ARHGAP22: variants seen among roughly 807,000 people sequenced by gnomAD.
The protein encoded by ARHGAP22 is Rho GTPase activating protein 22.
A neutral mutation model predicts 59.1 loss-of-function variants in ARHGAP22; 48 were observed. The observed-to-expected ratio is 0.81, with a 90% CI of 0.64 to 1.03. ARHGAP22 has a LOEUF of 1.03. Ranked by LOEUF, ARHGAP22 falls within the 50% of genes least tolerant of loss-of-function variation. The probability of loss-of-function intolerance (pLI) is 0.00; values close to 1 mark genes in which losing one functional copy is unlikely to be tolerated. For synonymous variants in ARHGAP22, 445 were observed against 416.4 expected (o/e 1.07, Z -0.84); for missense variants, 1,015 against 958.7 (o/e 1.06, Z -0.78).
chr10:48,557,336 C>T (rs957039465), intron 2 of ARHGAP22, among the ~76,000 whole-genome samples: 1 of 152,066 alleles, frequency 6.6e-6, no homozygotes, highest in African/African-American at 2.4e-5. Context: ...ATCTGTCATC[C>T]GTACAAGGAG....
At chr10:48,499,117 T>C (rs370363173) in intron 3 of ARHGAP22, among the ~76,000 whole-genome samples, 5 of 152,340 alleles carry the variant, frequency 3.3e-5, no homozygotes, top group South Asian at 4.1e-4. Flanking sequence ...GGGGAGGCCA[T>C]GTCCTCATTG....
chr10:48,433,983 G>T, the ARHGAP22 span, among the ~76,000 whole-genome samples: 2 of 152,102 alleles, frequency 1.3e-5, no homozygotes, highest in South Asian at 2.1e-4. Flanking sequence ...TGTTCATGTG[G>T]TTCAGAAGTA....
chr10:48,644,181 C>G (rs923789819), intron 1 of ARHGAP22, among the ~76,000 whole-genome samples: 1 of 151,980 alleles, frequency 6.6e-6, no homozygotes, highest in Non-Finnish European at 1.5e-5. Context: ...AAGAAACATT[C>G]TGAAAAAGAG....
intron 1 of ARHGAP22, among the ~76,000 whole-genome samples, chr10:48,588,560 TGGAGGGTCCCCAGGAGCA>T (rs1403160328): frequency 6.6e-6 from 1 of 152,202 alleles, no homozygotes; most frequent in African/African-American, 2.4e-5. Context: ...TCAGAGTTTC[TGGAGGGTCCCCAGGAGCA>T]GGCCCAGGCA....
intron 1 of ARHGAP22, among the ~76,000 whole-genome samples, chr10:48,640,619 T>C (rs2062005488): frequency 6.6e-6 from 1 of 152,042 alleles, no homozygotes; most frequent in South Asian, 2.1e-4. Flanking sequence ...GAATTCTATA[T>C]CAAAAAATAT....
At chr10:48,435,045 G>T in the ARHGAP22 span, 6 of 1,505,182 alleles carry the variant, frequency 4.0e-6, no homozygotes, top group East Asian at 2.4e-5. Context: ...TGGGCCATCG[G>T]GGGGTGGGAG....
intron 1 of ARHGAP22, among the ~76,000 whole-genome samples, chr10:48,615,391 C>G: frequency 6.6e-6 from 1 of 152,150 alleles, no homozygotes; most frequent in East Asian, 1.9e-4. Context: ...ATAAAGAATA[C>G]ATAACTCACA....
chr10:48,636,046 C>G (rs946834574), intron 1 of ARHGAP22, among the ~76,000 whole-genome samples: 6 of 152,174 alleles, frequency 3.9e-5, no homozygotes, highest in African/African-American at 1.4e-4. Flanking sequence ...GCATCAGGTC[C>G]TTACTCTCTC....
At chr10:48,608,076 A>G (rs1172040453), upstream of ARHGAP22, among the ~76,000 whole-genome samples, 1 of 152,210 alleles carries the variant, frequency 6.6e-6, no homozygotes, top group Non-Finnish European at 1.5e-5. Flanking sequence ...GTTTATTGTC[A>G]TTGGGAGTTG....
chr10:48,442,367 C>T (rs1006600624), downstream of ARHGAP22, among the ~76,000 whole-genome samples: 1 of 152,348 alleles, frequency 6.6e-6, no homozygotes, highest in African/African-American at 2.4e-5. Flanking sequence ...GTACCAGGCT[C>T]GGCTCAGCAC....
intron 3 of ARHGAP22, among the ~76,000 whole-genome samples, chr10:48,497,099 T>G (rs4838607): frequency 0.27 from 40,432 of 152,004 alleles, 5,517 homozygotes; most frequent in South Asian, 0.36. Context: ...CTCCTAGGGG[T>G]TTGACACCTC....
At chr10:48,465,715 G>A (rs147161113) in intron 4 of ARHGAP22, among the ~76,000 whole-genome samples, 51 of 152,300 alleles carry the variant, frequency 3.3e-4, no homozygotes, top group African/African-American at 1.2e-3. Context: ...TTACAGGAGC[G>A]GGCAATGACA....
chr10:48,497,606 G>A (rs2051070833), intron 3 of ARHGAP22, among the ~76,000 whole-genome samples: 1 of 152,104 alleles, frequency 6.6e-6, no homozygotes, highest in Non-Finnish European at 1.5e-5. Context: ...GGGGAGGAAG[G>A]AGCCCCTCCA....
chr10:48,608,173 T>G (rs1313295349), upstream of ARHGAP22, among the ~76,000 whole-genome samples: 1 of 152,228 alleles, frequency 6.6e-6, no homozygotes, highest in African/African-American at 2.4e-5. Context: ...GCTGCCATCC[T>G]AAGGGAGATT....
intron 1 of ARHGAP22, among the ~76,000 whole-genome samples, chr10:48,613,918 T>C (rs534302176): frequency 5.5e-4 from 84 of 152,284 alleles, no homozygotes; most frequent in Non-Finnish European, 1.0e-3. Context: ...TATTGTGAGA[T>C]TGGATTGTTA....
At chr10:48,493,479 C>T in intron 3 of ARHGAP22, 1 of 1,536,032 alleles carries the variant, frequency 6.5e-7, no homozygotes, top group African/African-American at 1.4e-5. Context: ...ACCTGATGGG[C>T]CAGAAGGGCA....
chr10:48,562,986 G>C, intron 2 of ARHGAP22, among the ~76,000 whole-genome samples: 1 of 152,028 alleles, frequency 6.6e-6, no homozygotes, highest in South Asian at 2.1e-4. Flanking sequence ...TAGCTGGCAC[G>C]ACTGTTCCTT....
chr10:48,603,288 A>T (rs1310591302), intron 1 of ARHGAP22, among the ~76,000 whole-genome samples: 1 of 152,246 alleles, frequency 6.6e-6, no homozygotes. Context: ...GTCTCTTACT[A>T]GCACTGTCCA....
At chr10:48,625,461 T>C (rs754836385) in intron 1 of ARHGAP22, among the ~76,000 whole-genome samples, 1 of 152,132 alleles carries the variant, frequency 6.6e-6, no homozygotes, top group Non-Finnish European at 1.5e-5. Context: ...ACCCTAATCA[T>C]GCATAAGGCT....
Sources: gnomAD v4.1 joint callset for allele counts (sites outside exome capture counted in the v4.1 genomes callset) on GRCh38, gnomAD v4.1.1 for gene constraint, MANE v1.5 for transcripts, NCBI Gene and HGNC (gene_info 2026-07-23, HGNC 2026-07-21) for gene names.